Variants in ARHGEF10L observed in about 807,000 individuals in gnomAD.
ARHGEF10L encodes Rho guanine nucleotide exchange factor 10 like, also known as rho guanine nucleotide exchange factor 10-like protein.
A neutral mutation model predicts 141.2 loss-of-function variants in ARHGEF10L; 69 were observed. The observed-to-expected ratio is 0.49, with a 90% CI of 0.40 to 0.60. The LOEUF (loss-of-function observed/expected upper bound fraction) is 0.60. Among genes scored for constraint, ARHGEF10L ranks in the 20% least tolerant of loss-of-function variants. The probability of loss-of-function intolerance (pLI) is 0.00; values close to 1 mark genes in which losing one functional copy is unlikely to be tolerated. For missense variants in ARHGEF10L, 1,482 were observed against 1,734.3 expected (o/e 0.85, Z 2.58); for synonymous variants, 711 against 718.5 (o/e 0.99, Z 0.17).
At chr1:17,658,219 A>C (rs1461453998) in intron 25 of ARHGEF10L, among the ~76,000 whole-genome samples, 1 of 152,198 alleles carries the variant, frequency 6.6e-6, no homozygotes, top group Non-Finnish European at 1.5e-5. Flanking sequence ...GTATGAACTC[A>C]TCTTAACTAA....
At position 17,566,577 on chromosome 1, in the gene ARHGEF10L, C is replaced by T. The variant is rs144111445; in HGVS notation, c.-43-13976C>T. On this transcript the variant is annotated intron_variant, in intron 1 of 28. Transcript: ENST00000361221. Reference sequence around the variant, plus strand: ...TTGCCCAGGCCACAGAGAAGCAGGGCCCCTGGCGGAATGAACTGGATCATT... The same window carrying T: ...TTGCCCAGGCCACAGAGAAGCAGGGTCCCTGGCGGAATGAACTGGATCATT... Among the ~76,000 whole-genome samples the T allele has an allele frequency of 1.2e-4, 19 of 152,300 alleles. No homozygotes were observed. The East Asian group carries it at 3.7e-3, about 29-fold the overall frequency.
chr1:17,607,790 C>A lies in ARHGEF10L; in HGVS notation c.434-12C>A, dbSNP rs1301928041. 6.4e-7 allele frequency: 1 copy of A among 1,553,826 alleles called. No homozygotes were observed. The highest frequency in any genetic ancestry group is 8.7e-7 in the Non-Finnish European group (1 of 1,153,962). ...CAGGGCCTGGGCTCACCGGCTGCCG[C>A]TTGGCCAGCAGGGGCAGAGAGGAAC... On this transcript the variant is annotated splice_polypyrimidine_tract_variant and intron_variant, in intron 6 of 28. Coordinates refer to ENST00000361221, the MANE Select transcript of ARHGEF10L (RefSeq NM_018125.4). The surrounding 1 kb of genome is among the most constrained non-coding windows in gnomAD (Gnocchi z 4.5).
chr1:17,534,541 A>G, the ARHGEF10L span, among the ~76,000 whole-genome samples: 1 of 150,616 alleles, frequency 6.6e-6, no homozygotes, highest in African/African-American at 2.4e-5. Flanking sequence ...GATTACAGGC[A>G]TGAGTCATGG....
Position 17,623,937 on chromosome 1 carries a change from C to T in ARHGEF10L, c.1201-450C>T, listed in dbSNP as rs1223966353. On this transcript the variant is annotated intron_variant, in intron 12 of 28. Coordinates refer to ENST00000361221, the MANE Select transcript of ARHGEF10L (RefSeq NM_018125.4). This position sits in a 1 kb window ranked among gnomAD's most constrained non-coding sequence, Gnocchi z 4.7. ...TTGATTGACTCCAGGCCGACCATCC[C>T]TCCCTTGGTAACTCAACTCTGGGCA... 6.6e-6 allele frequency among the ~76,000 whole-genome samples: 1 copy of T among 152,212 alleles called. No homozygotes were observed. Among genetic ancestry groups the T allele is most frequent in the Non-Finnish European group, 1.5e-5 (1 of 68,036 alleles).
intron 21 of ARHGEF10L, among the ~76,000 whole-genome samples, chr1:17,647,798 AG>A (rs2061686415): frequency 6.6e-6 from 1 of 152,022 alleles, no homozygotes; most frequent in Admixed American, 6.5e-5. Context: ...TTCTCGGAGG[AG>A]GGGACATGTG....
chr1:17,555,761 A>ACCATG (rs1466653626), intron 1 of ARHGEF10L, among the ~76,000 whole-genome samples: 1 of 152,066 alleles, frequency 6.6e-6, no homozygotes, highest in African/African-American at 2.4e-5. Flanking sequence ...GAGCACCATA[A>ACCATG]CCATGCCCCA....
At chr1:17,660,668 G>T (rs1162340035) in intron 25 of ARHGEF10L, among the ~76,000 whole-genome samples, 1 of 152,350 alleles carries the variant, frequency 6.6e-6, no homozygotes, top group Non-Finnish European at 1.5e-5. Flanking sequence ...TGCTGGCTGG[G>T]GGAGGAGGGA....
rs770015721 is a variant in ARHGEF10L, at chr1:17,607,756, G to A, written c.434-46G>A. The stretch of plus-strand genomic sequence containing the variant: ...GGGTCTGAGGCTGGAAGTCTGGTAG[G>A]CTTGGCCTCAGGGCCTGGGCTCACC... On this transcript the variant is annotated intron_variant, in intron 6 of 28. Coordinates refer to ENST00000361221, the MANE Select transcript of ARHGEF10L (RefSeq NM_018125.4). This position sits in a 1 kb window ranked among gnomAD's most constrained non-coding sequence, Gnocchi z 4.5. The A allele has an allele frequency of 6.8e-7, 1 of 1,462,772 alleles. No individual in the cohort carries two copies. The highest frequency in any genetic ancestry group is 1.4e-5 in the South Asian group (1 of 69,840). The allele number at this position is 1,462,772 out of a possible 1,614,324, so 90.6% of individuals were successfully genotyped here.
Position 17,607,705 on chromosome 1 carries a change from C to T in ARHGEF10L, c.434-97C>T. On this transcript the variant is annotated intron_variant, in intron 6 of 28. Transcript: ENST00000361221. This position sits in a 1 kb window ranked among gnomAD's most constrained non-coding sequence, Gnocchi z 4.5. ...GGCCCCCATGTTCTCCCTGACCCCC[C>T]CTCGCCCCACCTGGGTTCAGAAATT... is the stretch of plus-strand genomic sequence containing the variant. 3 of 1,296,106 alleles carry T rather than the reference C, an allele frequency of 2.3e-6. No homozygotes were observed. The highest frequency in any genetic ancestry group is 3.0e-6 in the Non-Finnish European group (3 of 996,194). 80.3% of individuals were successfully genotyped at this position (1,296,106 alleles called of 1,614,324 possible). A position where few individuals can be genotyped will look rare whatever the true frequency, so the allele number is the denominator to read the frequency against.
At chr1:17,610,858 G>T (rs1285821575) in intron 7 of ARHGEF10L, among the ~76,000 whole-genome samples, 4 of 152,174 alleles carry the variant, frequency 2.6e-5, no homozygotes, top group Non-Finnish European at 5.9e-5. Flanking sequence ...AGTGACCATG[G>T]GGTCTGTAGA....
chr1:17,629,975 C>G (rs1016639445), intron 15 of ARHGEF10L, among the ~76,000 whole-genome samples: 12 of 152,212 alleles, frequency 7.9e-5, no homozygotes, highest in Admixed American at 4.6e-4. Context: ...TGGGCCCTGG[C>G]TGGAGGTAAG....
chr1:17,666,639 C>T (rs1378132295), intron 26 of ARHGEF10L, among the ~76,000 whole-genome samples: 1 of 152,076 alleles, frequency 6.6e-6, no homozygotes, highest in African/African-American at 2.4e-5. Context: ...TCCTCGGTCC[C>T]CTTTCTCCCC....
chr1:17,588,431 G>A lies in ARHGEF10L; in HGVS notation c.224-15G>A, dbSNP rs1213907996. 9 of 1,613,932 alleles carry A rather than the reference G, an allele frequency of 5.6e-6. No homozygotes were observed. Among genetic ancestry groups the A allele is most frequent in the Non-Finnish European group, 7.6e-6 (9 of 1,179,902 alleles). ...CTCTGGCCTGACAGGCTCTCTGTCT[G>A]CTCTTCTTTTGCAGACCCAGACCCA... On this transcript the variant is annotated splice_polypyrimidine_tract_variant and intron_variant, in intron 3 of 28. Transcript: ENST00000361221.
chr1:17,611,046 C>T (rs555370570), intron 7 of ARHGEF10L, among the ~76,000 whole-genome samples: 3 of 152,068 alleles, frequency 2.0e-5, no homozygotes, highest in South Asian at 2.1e-4. Flanking sequence ...TCCAGCTGGA[C>T]GGGGACTGGG....
intron 26 of ARHGEF10L, among the ~76,000 whole-genome samples, chr1:17,674,498 C>T (rs1240750194): frequency 6.6e-6 from 1 of 152,212 alleles, no homozygotes; most frequent in Admixed American, 6.5e-5. Context: ...GCAGACACAC[C>T]TGCCACTGAT....
chr1:17,675,659 ATGGGTGCAGGTG>A (rs1268153260), intron 26 of ARHGEF10L, among the ~76,000 whole-genome samples: 1 of 134,630 alleles, frequency 7.4e-6, no homozygotes, highest in Non-Finnish European at 1.6e-5. Context: ...TGGTGCAGGC[ATGGGTGCAGGTG>A]TGGGTGCACA....
intron 1 of ARHGEF10L, among the ~76,000 whole-genome samples, chr1:17,556,094 G>A (rs2077299033): frequency 1.5e-5 from 2 of 132,356 alleles, no homozygotes; most frequent in Non-Finnish European, 1.6e-5. Context: ...TGGGAACACA[G>A]GGATGAGCCT....
At position 17,624,378 on chromosome 1, in the gene ARHGEF10L, T is replaced by C; in HGVS notation, c.1201-9T>C. 1 of 1,610,770 alleles carries C rather than the reference T, an allele frequency of 6.2e-7. No homozygotes were observed. The highest frequency in any genetic ancestry group is 1.7e-5 in the Admixed American group (1 of 60,026). On this transcript the variant is annotated splice_polypyrimidine_tract_variant and intron_variant, in intron 12 of 28. Coordinates refer to ENST00000361221, the MANE Select transcript of ARHGEF10L (RefSeq NM_018125.4). ...GCGGTCTCCCTGGCCCACACCTGCC[T>C]TGTTTCAGTTTTCCAAGTCCATGGT...
chr1:17,677,455 C>T (rs753126800), intron 26 of ARHGEF10L, among the ~76,000 whole-genome samples: 4 of 152,246 alleles, frequency 2.6e-5, no homozygotes, highest in South Asian at 4.1e-4. Context: ...CTCCTTCGAT[C>T]GGTGCCGCCC....
Sources: gnomAD v4.1 joint callset for allele counts (sites outside exome capture counted in the v4.1 genomes callset) on GRCh38, gnomAD v4.1.1 for gene constraint, Gnocchi (gnomAD v3.1) non-coding constraint, MANE v1.5 for transcripts, NCBI Gene and HGNC (gene_info 2026-07-23, HGNC 2026-07-21) for gene names.